Variants in PDE3B observed in about 807,000 individuals in gnomAD.
The protein encoded by PDE3B is cGMP-inhibited 3',5'-cyclic phosphodiesterase 3B.
PDE3B carries 66 observed loss-of-function variants against 116.8 expected under a neutral mutation model. The ratio of observed to expected loss-of-function variants is 0.56; its 90% CI spans 0.46 to 0.69. The LOEUF is 0.69. Ranked by LOEUF, PDE3B falls within the 30% of genes least tolerant of loss-of-function variation. The probability of loss-of-function intolerance (pLI) is 0.00; values close to 1 mark genes in which losing one functional copy is unlikely to be tolerated. For missense variants in PDE3B, 1,384 were observed against 1,368.1 expected (o/e 1.01, Z -0.18); for synonymous variants, 595 against 533.6 (o/e 1.12, Z -1.59).
intron 1 of PDE3B, among the ~76,000 whole-genome samples, chr11:14,727,197 G>A (rs769854439): frequency 3.9e-5 from 6 of 151,968 alleles, no homozygotes; most frequent in African/African-American, 9.7e-5. Context: ...TGATTTTACC[G>A]TATTATATAA....
chr11:14,660,726 A>ATATT (rs2133761214), intron 1 of PDE3B, among the ~76,000 whole-genome samples: 1 of 152,296 alleles, frequency 6.6e-6, no homozygotes, highest in East Asian at 1.9e-4. Context: ...TGCTTATAAT[A>ATATT]GCTGCTTCGG....
chr11:14,897,949 C>T, the PDE3B span, among the ~76,000 whole-genome samples: 7 of 152,226 alleles, frequency 4.6e-5, no homozygotes, highest in South Asian at 6.2e-4. Flanking sequence ...TATCATTTAA[C>T]GAGAAAGGCT....
At chr11:14,823,335 C>G (rs924901823) in intron 7 of PDE3B, among the ~76,000 whole-genome samples, 1 of 152,142 alleles carries the variant, frequency 6.6e-6, no homozygotes, top group Non-Finnish European at 1.5e-5. Flanking sequence ...ACAACCACCC[C>G]TGCTAGTGTT....
At chr11:14,671,208 A>C (rs1254774716) in intron 1 of PDE3B, among the ~76,000 whole-genome samples, 1 of 152,180 alleles carries the variant, frequency 6.6e-6, no homozygotes, top group East Asian at 1.9e-4. Context: ...AAAATAAAAC[A>C]GAATAATAGT....
At chr11:14,848,027 C>T (rs1590191554) in intron 12 of PDE3B, among the ~76,000 whole-genome samples, 1 of 151,762 alleles carries the variant, frequency 6.6e-6, no homozygotes, top group South Asian at 2.1e-4. Flanking sequence ...CTGGCAGAGA[C>T]ACAACCAAAA....
At chr11:14,646,908 A>G (rs1434424208) in intron 1 of PDE3B, among the ~76,000 whole-genome samples, 1 of 152,132 alleles carries the variant, frequency 6.6e-6, no homozygotes, top group African/African-American at 2.4e-5. Context: ...TACTTCTAAT[A>G]GGAACATTTT....
intron 1 of PDE3B, among the ~76,000 whole-genome samples, chr11:14,711,573 G>A (rs970859315): frequency 1.3e-5 from 2 of 152,156 alleles, no homozygotes; most frequent in Non-Finnish European, 2.9e-5. Flanking sequence ...AGGAGCAAGA[G>A]AGTCTGGTGC....
intron 1 of PDE3B, among the ~76,000 whole-genome samples, chr11:14,748,583 C>A (rs1590112529): frequency 6.6e-6 from 1 of 152,040 alleles, no homozygotes; most frequent in South Asian, 2.1e-4. Context: ...TTACACAAAC[C>A]TTATACAATT....
At chr11:14,728,329 T>C (rs1284442299) in intron 1 of PDE3B, among the ~76,000 whole-genome samples, 1 of 152,078 alleles carries the variant, frequency 6.6e-6, no homozygotes, top group Non-Finnish European at 1.5e-5. Context: ...CTAATGAAAA[T>C]GTTTCTACTG....
chr11:14,674,794 C>T lies in PDE3B; in HGVS notation c.978+29741C>T, dbSNP rs142097767. Among the ~76,000 whole-genome samples, 8 of 152,172 alleles carry T rather than the reference C, an allele frequency of 5.3e-5. No homozygotes were observed. In the East Asian group the frequency reaches 1.4e-3, roughly 26 times the overall value. On this transcript the variant is annotated intron_variant, in intron 1 of 15. Transcript: ENST00000282096. ...TCCTGATTGCAACTGGGATGGAAAA[C>T]TGATTTTATTACTATTCTAAGAAAA...
chr11:14,846,134 G>A (rs572634785), intron 12 of PDE3B, among the ~76,000 whole-genome samples: 40 of 152,272 alleles, frequency 2.6e-4, no homozygotes, highest in East Asian at 1.9e-3. Context: ...GACTAACAGC[G>A]GATCTCTCAG....
At chr11:14,781,491 C>T (rs1449497007) in intron 2 of PDE3B, among the ~76,000 whole-genome samples, 1 of 152,188 alleles carries the variant, frequency 6.6e-6, no homozygotes, top group East Asian at 1.9e-4. Context: ...CCCTGGGATG[C>T]AAGGCTGGTT....
intron 1 of PDE3B, among the ~76,000 whole-genome samples, chr11:14,693,677 A>G (rs1855116384): frequency 6.6e-6 from 1 of 152,124 alleles, no homozygotes; most frequent in Admixed American, 6.6e-5. Flanking sequence ...TCCTTTCAAA[A>G]TATTACTGCT....
chr11:14,856,741 C>T (rs1301176195), intron 12 of PDE3B, among the ~76,000 whole-genome samples: 3 of 151,904 alleles, frequency 2.0e-5, no homozygotes, highest in Non-Finnish European at 4.4e-5. Flanking sequence ...GTAGTCCCAG[C>T]TACTCGGGAG....
At chr11:14,680,304 A>T (rs1854662273) in intron 1 of PDE3B, among the ~76,000 whole-genome samples, 1 of 152,064 alleles carries the variant, frequency 6.6e-6, no homozygotes, top group African/African-American at 2.4e-5. Flanking sequence ...AGTGAGATGG[A>T]GTTGCATGTA....
At chr11:14,760,443 G>T (rs1021208119) in intron 1 of PDE3B, among the ~76,000 whole-genome samples, 2 of 152,134 alleles carry the variant, frequency 1.3e-5, no homozygotes, top group African/African-American at 4.8e-5. Context: ...GAGACTGAAG[G>T]TGCATAATTT....
intron 1 of PDE3B, among the ~76,000 whole-genome samples, chr11:14,741,999 C>T (rs986220364): frequency 6.6e-6 from 1 of 152,078 alleles, no homozygotes; most frequent in African/African-American, 2.4e-5. Flanking sequence ...GTAACCCAAC[C>T]TTTCTCTCTG....
rs756967590 is a variant in PDE3B at position 14,644,152 on chromosome 11, G to C, written c.77G>C (p.Ser26Thr). 24 of 1,593,134 alleles carry C rather than the reference G, an allele frequency of 1.5e-5. No individual in the cohort carries two copies. Among genetic ancestry groups the C allele is most frequent in the Non-Finnish European group, 2.0e-5 (23 of 1,177,032 alleles). The change falls in exon 1 of 16, where the codon AGT becomes ACT. Residue 26 changes from serine (S) to threonine (T), a missense_variant. Physicochemically the swap from Ser to Thr is moderately conservative, Grantham distance 58. Transcript: ENST00000282096. ...GATGGGGCCGGCTCGCCCCCCGAGA[G>C]TCTGAGGAACGGCTACGTGAAGAGC... ...PPDGAGSPPE[S>T]LRNGYVKSCV...
chr11:14,695,770 T>C (rs1855189404), intron 1 of PDE3B, among the ~76,000 whole-genome samples: 2 of 152,090 alleles, frequency 1.3e-5, no homozygotes, highest in Non-Finnish European at 2.9e-5. Flanking sequence ...ATGCAGTGTT[T>C]GGTTTTCTCT....
Sources: gnomAD v4.1 joint callset for allele counts (sites outside exome capture counted in the v4.1 genomes callset) on GRCh38, gnomAD v4.1.1 for gene constraint, MANE v1.5 for transcripts, NCBI Gene and HGNC (gene_info 2026-07-23, HGNC 2026-07-21) for gene names.